The following MYO1D variants were observed in gnomAD, a reference collection of about 807,000 sequenced individuals.
MYO1D encodes myosin ID, also known as unconventional myosin-Id.
Under a neutral mutation model 122.0 loss-of-function variants are expected in MYO1D, and 83 were observed. The observed-to-expected ratio is 0.68, with a 90% CI of 0.57 to 0.82. The LOEUF is 0.82. MYO1D is among the 40% of genes least tolerant of loss of function. The pLI is 0.00. For synonymous variants in MYO1D, 464 were observed against 446.9 expected (o/e 1.04, Z -0.48); for missense variants, 1,157 against 1,269.5 (o/e 0.91, Z 1.35).
chr17:32,648,016 C>T (rs148524615), intron 19 of MYO1D, among the ~76,000 whole-genome samples: 51 of 152,256 alleles, frequency 3.3e-4, no homozygotes, highest in Middle Eastern at 3.4e-3. Context: ...GAGTTCGAGA[C>T]CAGCCTGGCC....
At chr17:32,652,457 T>G (rs2088405552) in intron 19 of MYO1D, among the ~76,000 whole-genome samples, 1 of 152,204 alleles carries the variant, frequency 6.6e-6, no homozygotes. Context: ...AATTCCTCCT[T>G]TGTCTATTGC....
At chr17:32,538,717 C>A (rs2519863) in intron 21 of MYO1D, among the ~76,000 whole-genome samples, 16,894 of 151,996 alleles carry the variant, frequency 0.11, 1,502 homozygotes, top group East Asian at 0.48. Context: ...CAATGATAGA[C>A]CGGATAAAGA....
intron 1 of MYO1D, among the ~76,000 whole-genome samples, chr17:32,837,903 T>C (rs2090843011): frequency 6.6e-6 from 1 of 152,258 alleles, no homozygotes; most frequent in Non-Finnish European, 1.5e-5. Flanking sequence ...TCATTTTGTG[T>C]ATGCATTTAT....
At chr17:32,774,494 C>T (rs1171810557) in intron 4 of MYO1D, among the ~76,000 whole-genome samples, 2 of 152,122 alleles carry the variant, frequency 1.3e-5, no homozygotes, top group African/African-American at 4.8e-5. Flanking sequence ...CTCAACATTC[C>T]TTTCCCCAGG....
chr17:32,560,554 T>TATATATATATATATATATATATATAC (rs2087112648), intron 21 of MYO1D, among the ~76,000 whole-genome samples: 8 of 123,970 alleles, frequency 6.5e-5, no homozygotes, highest in Non-Finnish European at 1.4e-4. Flanking sequence ...TATATATATA[T>TATATATATATATATATATATATATAC]ATATATATAT....
intron 16 of MYO1D, among the ~76,000 whole-genome samples, chr17:32,683,481 A>C (rs1667964845): frequency 1.3e-5 from 2 of 152,106 alleles, no homozygotes; most frequent in Non-Finnish European, 2.9e-5. Context: ...CAGGACCCTC[A>C]GCTGCAGGTC....
intron 14 of MYO1D, among the ~76,000 whole-genome samples, chr17:32,727,864 C>T (rs746564351): frequency 8.5e-5 from 13 of 152,068 alleles, no homozygotes; most frequent in Non-Finnish European, 1.5e-4. Context: ...AAAAGATATA[C>T]CATGCAAACT....
chr17:32,562,361 A>G (rs966511788), intron 21 of MYO1D, among the ~76,000 whole-genome samples: 1 of 22,094 alleles, frequency 4.5e-5, no homozygotes, highest in Non-Finnish European at 7.0e-5. Context: ...ATTTCATTTC[A>G]TTCTTTAATC....
intron 11 of MYO1D, among the ~76,000 whole-genome samples, chr17:32,752,529 A>G (rs9906716): frequency 0.041 from 6,221 of 152,238 alleles, 419 homozygotes; most frequent in African/African-American, 0.14. Context: ...TCCAACAAAG[A>G]ACTAATATTC....
intron 16 of MYO1D, among the ~76,000 whole-genome samples, chr17:32,684,475 C>T (rs1238004983): frequency 1.3e-5 from 2 of 152,096 alleles, no homozygotes; most frequent in African/African-American, 4.8e-5. Flanking sequence ...TAGCAATAAA[C>T]ACATTTGCTG....
chr17:32,669,524 T>G (rs1384806113), intron 16 of MYO1D, among the ~76,000 whole-genome samples: 2 of 152,200 alleles, frequency 1.3e-5, no homozygotes, highest in Non-Finnish European at 2.9e-5. Flanking sequence ...TCTGTGAAGT[T>G]CCTGTGCATA....
rs1002052398 is a variant in MYO1D at position 32,690,890 on chromosome 17, C to A, written c.2121+21098G>T. Among the ~76,000 whole-genome samples the A allele has an allele frequency of 2.0e-5, 3 of 152,296 alleles. No homozygotes were observed. In the East Asian group the frequency reaches 5.8e-4, roughly 29 times the overall value. On this transcript the variant is annotated intron_variant, in intron 16 of 21. Transcript: ENST00000318217. ...ATAGCAACTCAAGAACAGACTAACA[C>A]CATATCCTTTAAAGTCCTCTTTTCT... is the stretch of plus-strand genomic sequence containing the variant.
chr17:32,786,384 T>C (rs1356746852), intron 1 of MYO1D, among the ~76,000 whole-genome samples: 3 of 152,176 alleles, frequency 2.0e-5, no homozygotes, highest in Non-Finnish European at 4.4e-5. Flanking sequence ...GTCTCAGACA[T>C]ACATAGGGAA....
chr17:32,593,596 T>C (rs1265788737), intron 21 of MYO1D, among the ~76,000 whole-genome samples: 1 of 152,246 alleles, frequency 6.6e-6, no homozygotes, highest in Non-Finnish European at 1.5e-5. Context: ...TAATACATAC[T>C]TTATAATTTC....
At chr17:32,652,524 A>AT (rs1311843991) in intron 19 of MYO1D, among the ~76,000 whole-genome samples, 2 of 152,204 alleles carry the variant, frequency 1.3e-5, no homozygotes, top group African/African-American at 4.8e-5. Context: ...TTTAAAAATT[A>AT]TAATTTCATT....
At chr17:32,528,511 A>G (rs1330494394) in intron 21 of MYO1D, among the ~76,000 whole-genome samples, 1 of 151,916 alleles carries the variant, frequency 6.6e-6, no homozygotes, top group Admixed American at 6.6e-5. Context: ...GTAGTGTGTG[A>G]TGCTGAATAT....
chr17:32,633,694 C>A (rs2088054914), intron 20 of MYO1D, among the ~76,000 whole-genome samples: 1 of 151,924 alleles, frequency 6.6e-6, no homozygotes, highest in African/African-American at 2.4e-5. Flanking sequence ...AGCCCCCACC[C>A]CCATCCCAGA....
chr17:32,686,770 C>T lies in MYO1D; in HGVS notation c.2121+25218G>A, dbSNP rs1465886552. Among the ~76,000 whole-genome samples, 5 of 152,116 alleles carry T rather than the reference C, an allele frequency of 3.3e-5. No individual in the cohort carries two copies. The East Asian group carries it at 9.7e-4, about 29-fold the overall frequency. ...GTCCCAGCTACTTGGGAGGCTGAGG[C>T]AGGAGGGATCACCTGAGCCCCAGAG... On this transcript the variant is annotated intron_variant, in intron 16 of 21. Transcript: ENST00000318217.
At chr17:32,510,054 G>A (rs1449108754) in intron 21 of MYO1D, 1 of 152,100 alleles carries the variant, frequency 6.6e-6, no homozygotes, top group Non-Finnish European at 1.5e-5. Context: ...GTCATTATGG[G>A]GCACTGTCAT....
Sources: gnomAD v4.1 joint callset for allele counts (sites outside exome capture counted in the v4.1 genomes callset) on GRCh38, gnomAD v4.1.1 for gene constraint, MANE v1.5 for transcripts, NCBI Gene and HGNC (gene_info 2026-07-23, HGNC 2026-07-21) for gene names.